The following AFM variants were observed in gnomAD, a reference collection of about 807,000 sequenced individuals.
The protein encoded by AFM is afamin.
A neutral mutation model predicts 68.7 loss-of-function variants in AFM; 82 were observed. That is an observed-to-expected ratio of 1.19 (90% CI 1.00 to 1.43). The LOEUF is 1.43. Ranked by LOEUF, AFM falls within the 40% of genes most tolerant of loss-of-function variation. The pLI is 0.00. For synonymous variants in AFM, 250 were observed against 234.2 expected (o/e 1.07, Z -0.61); for missense variants, 772 against 701.8 (o/e 1.10, Z -1.13).
At chr4:73,487,639 AT>A (rs1720938006) in intron 5 of AFM, 84 bp from the exon 6 acceptor site, 1 of 906,312 alleles carries the variant, frequency 1.1e-6, no homozygotes, top group East Asian at 2.6e-5. Context: ...AAATTTTGTA[AT>A]AGTTTGAATG....
chr4:73,500,587 A>G (rs1168900354), intron 12 of AFM, among the ~76,000 whole-genome samples: 9 of 152,206 alleles, frequency 5.9e-5, no homozygotes, highest in Non-Finnish European at 1.5e-5. Flanking sequence ...CTAAAGGGCC[A>G]GGAAGTTTAC....
At chr4:73,493,673 A>AG (rs1354645076) in intron 8 of AFM, among the ~76,000 whole-genome samples, 3 of 152,224 alleles carry the variant, frequency 2.0e-5, no homozygotes, top group African/African-American at 7.2e-5. Context: ...TAAGTAATTT[A>AG]CCCGAAGTCA....
chr4:73,484,397 A>G lies in AFM; in HGVS notation c.270+7A>G. 6.5e-7 allele frequency: 1 copy of G among 1,527,416 alleles called. No individual in the cohort carries two copies. The highest frequency in any genetic ancestry group is 8.8e-7 in the Non-Finnish European group (1 of 1,140,624). The allele number at this position is 1,527,416 out of a possible 1,614,324, so 94.6% of individuals were successfully genotyped here. A position where few individuals can be genotyped will look rare whatever the true frequency, so the allele number is the denominator to read the frequency against. ...AGAGTGTTCAAAATTACCTGTAAGT[A>G]AATTGCTTGTGTTTCTTTTCCTTTT... On this transcript the variant is annotated splice_region_variant and intron_variant, in intron 3 of 14. Transcript: ENST00000226355.
At chr4:73,484,474 C>CTTTCT (rs1553893992) in intron 3 of AFM, 84 bp downstream of exon 3, 3 of 584,950 alleles carry the variant, frequency 5.1e-6, no homozygotes, top group Admixed American at 4.0e-5. Flanking sequence ...TTCTTTCTTT[C>CTTTCT]TTTCTTTCTT....
In AFM at chr4:73,499,027, C is replaced by T. The variant is rs1035949266; in HGVS notation, c.1290-87C>T. 3.0e-5 allele frequency: 43 copies of T among 1,418,204 alleles called. No homozygotes were observed. In the Middle Eastern group the frequency reaches 5.6e-4, roughly 18 times the overall value. 87.9% of individuals were successfully genotyped at this position (1,418,204 alleles called of 1,614,324 possible). On this transcript the variant is annotated intron_variant, in intron 10 of 14. Transcript: ENST00000226355. Reference sequence around the variant, plus strand: ...TTGCACCTATATTGGTTGTCGCTAGCCTTGAAGGGTCTGGGCTTCAGCAGT... The same window carrying T: ...TTGCACCTATATTGGTTGTCGCTAGTCTTGAAGGGTCTGGGCTTCAGCAGT...
rs1335331388 is a variant in AFM, at chr4:73,497,700, C to T, written c.1240C>T (p.Gln414Ter). ...TGAGAAAAGCCTCAAGATGGTACAA[C>T]AAGAATGTAAACATTTCCAGAATTT... ...TTEKSLKMVQ[Q>*]ECKHFQNLGK... The change falls in exon 10 of 15, where the codon CAA (glutamine) becomes TAA (stop). Residue 414 changes from glutamine to a stop codon, truncating the protein, a stop_gained. Transcript: ENST00000226355. LOFTEE classifies it high-confidence loss of function. The T allele has an allele frequency of 2.5e-6, 4 of 1,610,160 alleles. No homozygotes were observed. The highest frequency in any genetic ancestry group is 2.2e-5 in the East Asian group (1 of 44,550).
At chr4:73,491,602 TA>T (rs1280989527) in intron 7 of AFM, among the ~76,000 whole-genome samples, 1 of 152,214 alleles carries the variant, frequency 6.6e-6, no homozygotes, top group Non-Finnish European at 1.5e-5. Flanking sequence ...GAGGGTTATT[TA>T]AAAGACTAAT....
chr4:73,503,092 A>G lies in AFM; in HGVS notation c.*22A>G. 1 of 1,612,242 alleles carries G rather than the reference A, an allele frequency of 6.2e-7. No homozygotes were observed. Among genetic ancestry groups the G allele is most frequent in the Non-Finnish European group, 8.5e-7 (1 of 1,178,576 alleles). ...CTGAAGCCAGCTGCTGGAGATATGT[A>G]AAGAAAAAAGCACCAAAGGTAATAC... On this transcript the variant is annotated 3_prime_UTR_variant, in exon 14 of 15. Coordinates refer to ENST00000226355, the MANE Select transcript of AFM (RefSeq NM_001133.2).
rs373816412 is a variant in AFM at position 73,487,849 on chromosome 4, C to T, written c.713+28C>T. ...GAGTTTTATACTATATGTCTTGTCT[C>T]TGCTTGCATTTCCTTGTCTGTGTCC... On this transcript the variant is annotated intron_variant, in intron 6 of 14. Transcript: ENST00000226355. 8.7e-4 allele frequency: 1,241 copies of T among 1,431,218 alleles called. 19 individuals carry two copies. The South Asian group carries it at 0.014, about 16-fold the overall frequency. 88.7% of individuals were successfully genotyped at this position (1,431,218 alleles called of 1,614,324 possible). A position where few individuals can be genotyped will look rare whatever the true frequency, so the allele number is the denominator to read the frequency against.
chr4:73,491,772 C>A, intron 7 of AFM, 100 bp from the exon 8 acceptor site: 1 of 980,232 alleles, frequency 1.0e-6, no homozygotes. Flanking sequence ...TGAAGTGATT[C>A]CAGATGCTGC....
intron 9 of AFM, among the ~76,000 whole-genome samples, chr4:73,497,019 C>A (rs921032829): frequency 6.6e-6 from 1 of 152,046 alleles, no homozygotes; most frequent in Admixed American, 6.6e-5. Flanking sequence ...TTAATCATAG[C>A]GCTAGAAAAT....
chr4:73,482,739 T>A (rs1720748270), intron 1 of AFM, among the ~76,000 whole-genome samples: 1 of 152,248 alleles, frequency 6.6e-6, no homozygotes, highest in Non-Finnish European at 1.5e-5. Flanking sequence ...CAAAGTCTCC[T>A]ATGGCCTTCT....
At chr4:73,486,892 C>T in intron 4 of AFM, 75 bp from the exon 5 acceptor site, 1 of 1,458,306 alleles carries the variant, frequency 6.9e-7, no homozygotes, top group Non-Finnish European at 9.4e-7. Flanking sequence ...CTTCCCTTCC[C>T]TTCCCTTGTC....
rs1290800311 is a variant in AFM at position 73,485,905 on chromosome 4, C to T, written c.314C>T (p.Pro105Leu). Residue 105 changes from proline (P) to leucine (L), a missense_variant, in exon 4 of 15, where the codon CCA (proline) becomes CTA (leucine). Coordinates refer to ENST00000226355, the MANE Select transcript of AFM (RefSeq NM_001133.2). Reference protein sequence around the residue: ...QEKICAMEGLPQKHNFSHCCS... With the variant: ...QEKICAMEGLLQKHNFSHCCS... ...AAAATATGTGCTATGGAGGGGCTGCCACAAAAGCATAATTTCTCACACTGC... is the reference window on the plus strand; with the variant it reads ...AAAATATGTGCTATGGAGGGGCTGCTACAAAAGCATAATTTCTCACACTGC... The T allele has an allele frequency of 6.2e-7, 1 of 1,613,892 alleles. No homozygotes were observed. The highest frequency in any genetic ancestry group is 2.2e-5 in the East Asian group (1 of 44,890).
chr4:73,503,140 A>G, intron 14 of AFM, 30 bp downstream of exon 14: 1 of 1,522,624 alleles, frequency 6.6e-7, no homozygotes, highest in Admixed American at 1.7e-5. Context: ...TCAAATGTCA[A>G]ATGTATTTGT....
intron 8 of AFM, 122 bp downstream of exon 8, chr4:73,492,208 T>G: frequency 1.2e-6 from 1 of 869,140 alleles, no homozygotes; most frequent in Non-Finnish European, 1.8e-6. Flanking sequence ...TCATATAATT[T>G]TTTTTTAAAT....
intron 6 of AFM, 102 bp downstream of exon 6, chr4:73,487,923 C>T (rs578007627): frequency 1.3e-6 from 1 of 774,412 alleles, no homozygotes; most frequent in East Asian, 2.7e-5. Flanking sequence ...CTTCCTAGTA[C>T]CTAGGGGCTT....
At chr4:73,484,476 TTCTTTCTTTC>T (rs893315422) in intron 3 of AFM, 86 bp downstream of exon 3, 2 of 615,786 alleles carry the variant, frequency 3.2e-6, no homozygotes, top group South Asian at 3.8e-5. Flanking sequence ...CTTTCTTTCT[TTCTTTCTTTC>T]TTTCTTTCTT....
At chr4:73,498,312 G>C (rs973299361) in intron 10 of AFM, among the ~76,000 whole-genome samples, 1 of 151,534 alleles carries the variant, frequency 6.6e-6, no homozygotes, top group African/African-American at 2.4e-5. Context: ...TTTTGAGACA[G>C]GGTCTCTCTG....
Sources: gnomAD v4.1 joint callset for allele counts (sites outside exome capture counted in the v4.1 genomes callset) on GRCh38, gnomAD v4.1.1 for gene constraint, MANE v1.5 for transcripts, NCBI Gene and HGNC (gene_info 2026-07-23, HGNC 2026-07-21) for gene names.